The following HMOX2 variants were observed in gnomAD, a reference collection of about 807,000 sequenced individuals.
HMOX2 encodes the protein heme oxygenase 2.
In HMOX2, 30 loss-of-function variants were observed where a neutral mutation model predicts 33.7. That is an observed-to-expected ratio of 0.89 (90% confidence interval 0.67 to 1.21). The LOEUF (loss-of-function observed/expected upper bound fraction) is 1.21, where lower values mean the gene tolerates loss of function less well. HMOX2 is among the 50% of genes most tolerant of loss of function. HMOX2 has a pLI of 0.00. For missense variants in HMOX2, 403 were observed against 399.1 expected (o/e 1.01, Z -0.08); for synonymous variants, 155 against 155.0 (o/e 1.00, Z 0.00).
At chr16:4,490,071 C>T (rs1204595718) in intron 1 of HMOX2, among the ~76,000 whole-genome samples, 1 of 152,150 alleles carries the variant, frequency 6.6e-6, no homozygotes, top group Non-Finnish European at 1.5e-5. Flanking sequence ...GATAAATGAC[C>T]TGTAATCTGG....
chr16:4,498,730 G>C (rs2058484490), intron 1 of HMOX2, among the ~76,000 whole-genome samples: 1 of 152,140 alleles, frequency 6.6e-6, no homozygotes, highest in African/African-American at 2.4e-5. Context: ...AGTGAACCGT[G>C]GGATTGAATT....
At chr16:4,504,751 G>A (rs1189411874) in intron 1 of HMOX2, among the ~76,000 whole-genome samples, 2 of 141,840 alleles carry the variant, frequency 1.4e-5, no homozygotes, top group East Asian at 2.0e-4. Flanking sequence ...GTGCAACGGC[G>A]TGATCTCGGC....
chr16:4,509,624 C>T lies in HMOX2; in HGVS notation c.824-5C>T, dbSNP rs779954947. The stretch of plus-strand genomic sequence containing the variant: ...GCCATGTCTCCTATTGGTGCTGCCA[C>T]ACAGGTGCCCTGGAGGGCAGCAGCT... On this transcript the variant is annotated splice_region_variant and splice_polypyrimidine_tract_variant and intron_variant, in intron 5 of 5. Coordinates refer to ENST00000570646, the MANE Select transcript of HMOX2 (RefSeq NM_002134.4). 1.2e-6 allele frequency: 2 copies of T among 1,613,358 alleles called. No individual in the cohort carries two copies. The highest frequency in any genetic ancestry group is 1.1e-5 in the South Asian group (1 of 91,080).
intron 1 of HMOX2, among the ~76,000 whole-genome samples, chr16:4,485,156 G>A (rs922154771): frequency 2.6e-5 from 4 of 151,252 alleles, no homozygotes; most frequent in African/African-American, 7.3e-5. Flanking sequence ...AGCAGATTCC[G>A]GGTTTCACCA....
chr16:4,501,392 G>T (rs535855633), intron 1 of HMOX2, among the ~76,000 whole-genome samples: 1 of 152,290 alleles, frequency 6.6e-6, no homozygotes, highest in South Asian at 2.1e-4. Flanking sequence ...ACTTGCCCCG[G>T]CTGTGCCAGG....
intron 4 of HMOX2, among the ~76,000 whole-genome samples, 157 bp from the exon 5 acceptor site, chr16:4,509,255 A>G (rs1315982752): frequency 6.6e-6 from 1 of 152,038 alleles, no homozygotes; most frequent in Admixed American, 6.6e-5. Flanking sequence ...TGGGAGGACC[A>G]CTTGAGCCTA....
chr16:4,505,891 C>CG (rs1382530430), intron 2 of HMOX2, among the ~76,000 whole-genome samples: 4 of 152,154 alleles, frequency 2.6e-5, no homozygotes, highest in African/African-American at 9.7e-5. Context: ...AAAACTTGTG[C>CG]GTTTCCTCAT....
chr16:4,497,580 C>T lies in HMOX2; in HGVS notation c.-41-7904C>T, dbSNP rs554625781. The stretch of plus-strand genomic sequence containing the variant: ...GACTCATCATTGTCCCAACAATAGT[C>T]GATTCCAGGCCCCTTCTTTGAACTC... On this transcript the variant is annotated intron_variant, in intron 1 of 5. Coordinates refer to ENST00000570646, the MANE Select transcript of HMOX2 (RefSeq NM_002134.4). Among the ~76,000 whole-genome samples, 36 of 152,254 alleles carry T rather than the reference C, an allele frequency of 2.4e-4. No homozygotes were observed. The Middle Eastern group carries it at 0.01, about 43-fold the overall frequency.
At chr16:4,484,692 T>G (rs1383366165) in intron 1 of HMOX2, among the ~76,000 whole-genome samples, 1 of 151,080 alleles carries the variant, frequency 6.6e-6, no homozygotes, top group African/African-American at 2.4e-5. Flanking sequence ...AACTCCTGAC[T>G]TCAGGTGAGC....
At chr16:4,498,317 C>T (rs1156429734) in intron 1 of HMOX2, among the ~76,000 whole-genome samples, 2 of 151,644 alleles carry the variant, frequency 1.3e-5, no homozygotes, top group Non-Finnish European at 2.9e-5. Context: ...TCTACCCGCT[C>T]GGCCTCCCAA....
intron 3 of HMOX2, 116 bp from the exon 4 acceptor site, chr16:4,507,597 A>C: frequency 9.6e-7 from 1 of 1,046,984 alleles, no homozygotes; most frequent in Non-Finnish European, 1.4e-6. Flanking sequence ...CACTACATAA[A>C]AATGGACCAT....
At chr16:4,488,824 TC>T (rs1197758834) in intron 1 of HMOX2, 12 of 119,032 alleles carry the variant, frequency 1.0e-4, no homozygotes, top group Non-Finnish European at 8.7e-5. Context: ...CCTGTACATT[TC>T]TTTTTTTTTT....
At chr16:4,489,925 C>G (rs2058265498) in intron 1 of HMOX2, among the ~76,000 whole-genome samples, 1 of 152,188 alleles carries the variant, frequency 6.6e-6, no homozygotes, top group South Asian at 2.1e-4. Context: ...ATTCTTATAT[C>G]TGAGATTCAC....
At chr16:4,508,386 T>C (rs927305021) in intron 4 of HMOX2, among the ~76,000 whole-genome samples, 182 bp downstream of exon 4, 102 of 152,248 alleles carry the variant, frequency 6.7e-4, no homozygotes, top group African/African-American at 2.4e-3. Flanking sequence ...GTTCCCAGCA[T>C]GGAGGCCTGG....
At chr16:4,502,280 A>G (rs565341453) in intron 1 of HMOX2, among the ~76,000 whole-genome samples, 4 of 152,182 alleles carry the variant, frequency 2.6e-5, no homozygotes, top group African/African-American at 7.2e-5. Context: ...AAGCAAGACT[A>G]TACTCTCCCA....
At position 4,509,546 on chromosome 16, in the gene HMOX2, T is replaced by G. The variant is rs1179520774; in HGVS notation, c.823+8T>G. The G allele has an allele frequency of 3.7e-6, 6 of 1,614,068 alleles. No individual in the cohort carries two copies. In the African/African-American group the frequency reaches 6.7e-5, roughly 18 times the overall value. ...CTGCTGAACAAGACAAAGGTAGGTC[T>G]GTGTGTCCTGAGCTCCCCTCCTGGG... On this transcript the variant is annotated splice_region_variant and intron_variant, in intron 5 of 5. Transcript: ENST00000570646.
At chr16:4,486,114 A>G (rs923204463) in intron 1 of HMOX2, among the ~76,000 whole-genome samples, 1 of 152,208 alleles carries the variant, frequency 6.6e-6, no homozygotes, top group Non-Finnish European at 1.5e-5. Context: ...CCAAAAAAGG[A>G]TAAGGATTGT....
intron 1 of HMOX2, among the ~76,000 whole-genome samples, chr16:4,492,888 T>G (rs1235492161): frequency 2.0e-5 from 3 of 151,902 alleles, no homozygotes; most frequent in African/African-American, 7.3e-5. Flanking sequence ...AATACAAAAA[T>G]TAATTGGGTG....
chr16:4,507,667 TGTG>T lies in HMOX2; in HGVS notation c.205-42_205-40del, dbSNP rs771904803. 6 of 1,588,022 alleles carry T rather than the reference TGTG, an allele frequency of 3.8e-6. No homozygotes were observed. The Admixed American group carries it at 1.0e-4, about 27-fold the overall frequency. ...GAGCCTCTGCATCCAGCTGCTCGGA[TGTG>T]GTGTGCTCAGGCATAGCTGGCCTCC... On this transcript the variant is annotated intron_variant, in intron 3 of 5. Coordinates refer to ENST00000570646, the MANE Select transcript of HMOX2 (RefSeq NM_002134.4).
Sources: gnomAD v4.1 joint callset for allele counts (sites outside exome capture counted in the v4.1 genomes callset) on GRCh38, gnomAD v4.1.1 for gene constraint, MANE v1.5 for transcripts, NCBI Gene and HGNC (gene_info 2026-07-23, HGNC 2026-07-21) for gene names.